FNDC1: variants seen among roughly 807,000 people sequenced by gnomAD.
FNDC1 encodes fibronectin type III domain containing 1.
In FNDC1, 96 loss-of-function variants were observed where a neutral mutation model predicts 168.0. The ratio of observed to expected loss-of-function variants is 0.57; its 90% CI spans 0.48 to 0.68. The LOEUF is 0.68. FNDC1 is among the 30% of genes least tolerant of loss of function. The pLI is 0.00. For missense variants in FNDC1, 2,587 were observed against 2,482.1 expected (o/e 1.04, Z -0.90); for synonymous variants, 1,099 against 1,025.9 (o/e 1.07, Z -1.36).
At chr6:159,207,494 G>A (rs978662740) in intron 4 of FNDC1, among the ~76,000 whole-genome samples, 2 of 152,172 alleles carry the variant, frequency 1.3e-5, no homozygotes, top group African/African-American at 4.8e-5. Context: ...CTTTCTGATT[G>A]ATATCTGGGC....
chr6:159,256,445 C>T, intron 17 of FNDC1, 78 bp from the exon 18 acceptor site: 1 of 1,060,298 alleles, frequency 9.4e-7, no homozygotes, highest in Non-Finnish European at 1.4e-6. Flanking sequence ...TTGCCTCACA[C>T]CTGTCCTCAG....
chr6:159,226,723 C>G lies in FNDC1; in HGVS notation c.1180+143C>G. The G allele has an allele frequency of 3.5e-6, 2 of 577,010 alleles. 1 individual carries two copies. The highest frequency in any genetic ancestry group is 5.5e-5 in the South Asian group (2 of 36,068). The allele number at this position is 577,010 out of a possible 1,614,324, so 35.7% of individuals were successfully genotyped here. ...ACCCAAGGGACGAGGATATTTCATG[C>G]AAGATTTTCATTGCCCAAGATCCAA... On this transcript the variant is annotated intron_variant, in intron 9 of 22. Transcript: ENST00000297267.
intron 1 of FNDC1, among the ~76,000 whole-genome samples, chr6:159,174,837 A>ACCCT (rs1781731251): frequency 6.6e-6 from 1 of 152,162 alleles, no homozygotes; most frequent in Non-Finnish European, 1.5e-5. Flanking sequence ...AGAGCAAGGG[A>ACCCT]TGTCTCAGGG....
At chr6:159,263,028 GA>G (rs1583922298) in intron 19 of FNDC1, among the ~76,000 whole-genome samples, 2 of 152,326 alleles carry the variant, frequency 1.3e-5, no homozygotes, top group East Asian at 3.9e-4. Context: ...ATAACAATTG[GA>G]AAATTAATAT....
chr6:159,207,491 A>G (rs757062057), intron 4 of FNDC1, among the ~76,000 whole-genome samples: 29 of 152,078 alleles, frequency 1.9e-4, no homozygotes, highest in African/African-American at 5.1e-4. Flanking sequence ...CTGCTTTCTG[A>G]TTGATATCTG....
At chr6:159,221,803 T>A in intron 6 of FNDC1, 107 bp downstream of exon 6, 1 of 922,572 alleles carries the variant, frequency 1.1e-6, no homozygotes, top group Non-Finnish European at 1.7e-6. Context: ...TTATTGAGGC[T>A]AAAAGAAATA....
At chr6:159,178,352 T>C (rs1175314872) in intron 1 of FNDC1, among the ~76,000 whole-genome samples, 2 of 152,226 alleles carry the variant, frequency 1.3e-5, no homozygotes, top group Admixed American at 6.5e-5. Flanking sequence ...TTGCAATACA[T>C]ACTCCTAAAT....
At chr6:159,210,800 C>G (rs1057514984) in intron 4 of FNDC1, among the ~76,000 whole-genome samples, 3 of 152,146 alleles carry the variant, frequency 2.0e-5, no homozygotes, top group African/African-American at 7.2e-5. Flanking sequence ...TGATGTCCTG[C>G]CCCCATCTGG....
chr6:159,232,749 A>G lies in FNDC1; in HGVS notation c.2237A>G (p.Asp746Gly), dbSNP rs761377720. ...TCTCCACTTTCCAAGGGCGGGAAGG[A>G]TGGTGAGGACGCCCCAGCCACCAAC... Reference protein sequence around the residue: ...LSSPLSKGGKDGEDAPATNSN... With the variant: ...LSSPLSKGGKGGEDAPATNSN... Residue 746 changes from aspartate (D) to glycine (G), a missense_variant, in exon 11 of 23, where the codon GAT becomes GGT. Coordinates refer to ENST00000297267, the MANE Select transcript of FNDC1 (RefSeq NM_032532.3). This position sits in a 1 kb window ranked among gnomAD's most constrained non-coding sequence, Gnocchi z 4.9. 2 of 1,613,688 alleles carry G rather than the reference A, an allele frequency of 1.2e-6. No homozygotes were observed. The highest frequency in any genetic ancestry group is 1.3e-5 in the African/African-American group (1 of 74,882).
rs369773261 is a variant in FNDC1 at position 159,233,106 on chromosome 6, C to G, written c.2594C>G (p.Ser865Cys). 1 of 1,602,780 alleles carries G rather than the reference C, an allele frequency of 6.2e-7. No individual in the cohort carries two copies. Among genetic ancestry groups the G allele is most frequent in the Non-Finnish European group, 8.5e-7 (1 of 1,174,862 alleles). The change falls in exon 11 of 23, where the codon TCT (serine) becomes TGT (cysteine). Residue 865 changes from serine (S) to cysteine (C), a missense_variant. Coordinates refer to ENST00000297267, the MANE Select transcript of FNDC1 (RefSeq NM_032532.3). The surrounding 1 kb of genome is among the most constrained non-coding windows in gnomAD (Gnocchi z 4.6). Reference protein sequence around the residue: ...SRAHPRVPSHSDSHPKLSSGI... With the variant: ...SRAHPRVPSHCDSHPKLSSGI... ...GCCCACCCCAGGGTTCCCTCTCACTCTGATTCCCACCCTAAGCTTAGCTCA... is the reference window on the plus strand; with the variant it reads ...GCCCACCCCAGGGTTCCCTCTCACTGTGATTCCCACCCTAAGCTTAGCTCA...
At chr6:159,210,158 G>A (rs1439734839) in intron 4 of FNDC1, among the ~76,000 whole-genome samples, 2 of 152,196 alleles carry the variant, frequency 1.3e-5, no homozygotes, top group Admixed American at 6.5e-5. Context: ...CACATCCTTC[G>A]CCAGTGTGAT....
chr6:159,271,590 TC>T lies in FNDC1; in HGVS notation c.*149del. On this transcript the variant is annotated 3_prime_UTR_variant, in exon 23 of 23. Transcript: ENST00000297267. ...AGATGGACACTGGCCATTCTGGTCA[TC>T]TCAGTCTGGAACTCAGTCCCACTTC... 1.6e-6 allele frequency: 1 copy of T among 620,564 alleles called. No individual in the cohort carries two copies. Among genetic ancestry groups the T allele is most frequent in the South Asian group, 1.9e-5 (1 of 53,512 alleles). The allele number at this position is 620,564 out of a possible 1,614,324, so 38.4% of individuals were successfully genotyped here. A position where few individuals can be genotyped will look rare whatever the true frequency, so the allele number is the denominator to read the frequency against.
At chr6:159,178,696 G>T (rs1270531898) in intron 1 of FNDC1, among the ~76,000 whole-genome samples, 1 of 150,510 alleles carries the variant, frequency 6.6e-6, no homozygotes, top group Non-Finnish European at 1.5e-5. Context: ...TTTTAAAAGT[G>T]TTTTGCCCAT....
At chr6:159,208,621 T>C (rs894072977) in intron 4 of FNDC1, among the ~76,000 whole-genome samples, 3 of 152,150 alleles carry the variant, frequency 2.0e-5, no homozygotes, top group African/African-American at 7.2e-5. Context: ...TTGATATTCA[T>C]AGCACTCCAC....
intron 22 of FNDC1, among the ~76,000 whole-genome samples, chr6:159,269,257 C>CATCT (rs369450487): frequency 0.095 from 4,025 of 42,504 alleles, 800 homozygotes; most frequent in Non-Finnish European, 0.13. Flanking sequence ...ATCCATCTAT[C>CATCT]ATCTATCTAT....
intron 11 of FNDC1, among the ~76,000 whole-genome samples, chr6:159,235,080 T>C (rs576139952): frequency 9.2e-5 from 14 of 152,344 alleles, no homozygotes; most frequent in African/African-American, 3.1e-4. Flanking sequence ...AATTAGTGCA[T>C]GTTGTCTAAA....
chr6:159,261,263 G>A lies in FNDC1; in HGVS notation c.5248G>A (p.Glu1750Lys), dbSNP rs560595190. 9.9e-6 allele frequency: 16 copies of A among 1,609,624 alleles called. No individual in the cohort carries two copies. The highest frequency in any genetic ancestry group is 4.5e-5 in the East Asian group (2 of 44,846). Residue 1750 changes from glutamate (E) to lysine (K), a missense_variant, in exon 19 of 23, where the codon GAA becomes AAA. Transcript: ENST00000297267. ...CAGCCCTTCGGTCTCATTTGTCACC[G>A]AATCAGGTATGAATGACTTCACATT... ...PISPSVSFVT[E>K]SDNPLLVVRP...
chr6:159,177,950 AG>A (rs1356187124), intron 1 of FNDC1, among the ~76,000 whole-genome samples: 1 of 152,230 alleles, frequency 6.6e-6, no homozygotes, highest in Admixed American at 6.5e-5. Context: ...GTTTTAAAAA[AG>A]TTTTAATTTT....
chr6:159,197,465 G>A lies in FNDC1; in HGVS notation c.144G>A (p.Leu48=). ...CACTGAAGCCAAGGCATGTGAAACTGCTGTCCACTAAAATGGGCCTGAAAG... is the reference window on the plus strand; with the variant it reads ...CACTGAAGCCAAGGCATGTGAAACTACTGTCCACTAAAATGGGCCTGAAAG... ...DHPLKPRHVK[L]LSTKMGLKVT... The change falls in exon 2 of 23, where the codon CTG becomes CTA. Residue 48 remains leucine, a synonymous_variant. Transcript: ENST00000297267. 1 of 1,613,754 alleles carries A rather than the reference G, an allele frequency of 6.2e-7. No homozygotes were observed. Among genetic ancestry groups the A allele is most frequent in the Non-Finnish European group, 8.5e-7 (1 of 1,179,774 alleles).
Sources: allele counts gnomAD v4.1 joint callset (sites outside exome capture counted in the v4.1 genomes callset), GRCh38; gene constraint gnomAD v4.1.1; non-coding constraint Gnocchi (gnomAD v3.1); transcripts MANE v1.5; gene names NCBI Gene and HGNC (gene_info 2026-07-23, HGNC 2026-07-21).